SPTBN1: variants seen among roughly 807,000 people sequenced by gnomAD.
SPTBN1 encodes the protein spectrin beta, non-erythrocytic 1.
Under a neutral mutation model 266.4 loss-of-function variants are expected in SPTBN1, and 32 were observed. The observed-to-expected ratio is 0.12, with a 90% CI of 0.09 to 0.16. SPTBN1 has a LOEUF of 0.16. Ranked by LOEUF, SPTBN1 falls within the 10% of genes least tolerant of loss-of-function variation. The pLI is 1.00. For synonymous variants in SPTBN1, 1,336 were observed against 1,162.2 expected, an observed-to-expected ratio of 1.15 and a Z score of -3.04; for missense variants, 2,296 against 3,067.1, an observed-to-expected ratio of 0.75 and a Z score of 5.94.
Position 54,664,438 on chromosome 2 carries a change from C to T in SPTBN1, c.6421-15C>T, listed in dbSNP as rs952057416. 8 of 1,605,002 alleles carry T rather than the reference C, an allele frequency of 5.0e-6. No homozygotes were observed. Among genetic ancestry groups the T allele is most frequent in the Non-Finnish European group, 4.3e-6 (5 of 1,172,594 alleles). On this transcript the variant is annotated splice_polypyrimidine_tract_variant and intron_variant, in intron 32 of 35. Transcript: ENST00000356805. This position sits in a 1 kb window ranked among gnomAD's most constrained non-coding sequence, Gnocchi z 5.6. The stretch of plus-strand genomic sequence containing the variant: ...GCTCACGGAGTTAGCTGAATGGCCT[C>T]TCCGCTGTCCCTAGATGGCAGAAAC...
Position 54,664,978 on chromosome 2 carries a change from T to C in SPTBN1, c.6659+287T>C, listed in dbSNP as rs1681279219. ...ATTGAGACTGAAGAGTCTTCTTTAC[T>C]TTAAGTGATTGATTTCATTTAGGAC... On this transcript the variant is annotated intron_variant, in intron 33 of 35. Transcript: ENST00000356805. This position sits in a 1 kb window ranked among gnomAD's most constrained non-coding sequence, Gnocchi z 5.6. The C allele has an allele frequency of 2.7e-6, 1 of 371,376 alleles. No individual in the cohort carries two copies. Among genetic ancestry groups the C allele is most frequent in the Admixed American group, 4.1e-5 (1 of 24,306 alleles). The allele number at this position is 371,376 out of a possible 1,614,324, so 23.0% of individuals were successfully genotyped here. A position where few individuals can be genotyped will look rare whatever the true frequency, so the allele number is the denominator to read the frequency against.
chr2:54,594,141 T>A (rs1227859546), intron 2 of SPTBN1, among the ~76,000 whole-genome samples: 1 of 152,144 alleles, frequency 6.6e-6, no homozygotes, highest in African/African-American at 2.4e-5. Context: ...AACACTTTTT[T>A]AAATGTTGTG....
At chr2:54,574,670 C>T (rs1458352704) in intron 2 of SPTBN1, among the ~76,000 whole-genome samples, 3 of 152,110 alleles carry the variant, frequency 2.0e-5, no homozygotes, top group East Asian at 1.9e-4. Context: ...ATGTCAGGCA[C>T]GTGGGGAATC....
chr2:54,502,422 A>C (rs1466287358), intron 1 of SPTBN1, among the ~76,000 whole-genome samples: 1 of 152,068 alleles, frequency 6.6e-6, no homozygotes, highest in East Asian at 1.9e-4. Context: ...GTTGGTTTAC[A>C]TCAGGGATGG....
At chr2:54,495,027 G>T (rs1668889987) in intron 1 of SPTBN1, among the ~76,000 whole-genome samples, 1 of 152,088 alleles carries the variant, frequency 6.6e-6, no homozygotes, top group South Asian at 2.1e-4. Context: ...GGCAGAAGTG[G>T]GCTGACAGGT....
chr2:54,628,883 C>T lies in SPTBN1; in HGVS notation c.1799-50C>T, dbSNP rs772050932. ...TTACTGCCTGCCAGTGAGCCTGCAC[C>T]CATGCTGAGCTCCCTCACACAGCCA... On this transcript the variant is annotated intron_variant, in intron 13 of 35. Coordinates refer to ENST00000356805, the MANE Select transcript of SPTBN1 (RefSeq NM_003128.3). The surrounding 1 kb of genome is among the most constrained non-coding windows in gnomAD (Gnocchi z 4.3). 1.3e-6 allele frequency: 2 copies of T among 1,533,222 alleles called. No homozygotes were observed. The highest frequency in any genetic ancestry group is 1.8e-6 in the Non-Finnish European group (2 of 1,142,410). The allele number at this position is 1,533,222 out of a possible 1,614,324, so 95.0% of individuals were successfully genotyped here.
chr2:54,596,278 A>G (rs2103659261), intron 2 of SPTBN1, among the ~76,000 whole-genome samples: 1 of 152,312 alleles, frequency 6.6e-6, no homozygotes, highest in Admixed American at 6.5e-5. Context: ...TTCCCAGGAT[A>G]GGTGGAACAA....
intron 2 of SPTBN1, chr2:54,529,399 A>C (rs1558809476): frequency 1.5e-6 from 1 of 689,290 alleles, no homozygotes; most frequent in Admixed American, 1.8e-5. Context: ...CTGAAGCCAA[A>C]GCAAAGGCTT....
intron 1 of SPTBN1, among the ~76,000 whole-genome samples, chr2:54,498,935 T>C (rs917375880): frequency 6.7e-6 from 1 of 149,514 alleles, no homozygotes; most frequent in Admixed American, 6.7e-5. Context: ...GAAGGGACTT[T>C]AAAAGTAGGG....
intron 3 of SPTBN1, among the ~76,000 whole-genome samples, chr2:54,610,749 C>A (rs1677155408): frequency 1.3e-5 from 2 of 152,212 alleles, no homozygotes; most frequent in African/African-American, 4.8e-5. Flanking sequence ...TCATCCTTTT[C>A]TTGTAATGTC....
In SPTBN1 at chr2:54,670,272, C is replaced by G. The variant is rs1681644611; in HGVS notation, c.*1703C>G. The G allele has an allele frequency of 1.3e-5, 2 of 156,610 alleles. No individual in the cohort carries two copies. Among genetic ancestry groups the G allele is most frequent in the Non-Finnish European group, 2.8e-5 (2 of 71,620 alleles). The allele number at this position is 156,610 out of a possible 1,614,324, so 9.7% of individuals were successfully genotyped here. On this transcript the variant is annotated 3_prime_UTR_variant, in exon 36 of 36. Transcript: ENST00000356805. ...ATGGGCCATAGTTTGCTGACTTCAG[C>G]ATAGAGTCGTGGGTTATTTACAAGT...
At chr2:54,491,497 A>G (rs941088938) in intron 1 of SPTBN1, among the ~76,000 whole-genome samples, 1 of 152,254 alleles carries the variant, frequency 6.6e-6, no homozygotes. Context: ...GCTGCCATTT[A>G]AAGTAAACTT....
chr2:54,525,451 C>CT (rs1170718493), intron 1 of SPTBN1, among the ~76,000 whole-genome samples: 1 of 152,028 alleles, frequency 6.6e-6, no homozygotes, highest in African/African-American at 2.4e-5. Flanking sequence ...TCAGGCTGAA[C>CT]TGGAACTCCC....
At position 54,558,813 on chromosome 2, in the gene SPTBN1, C is replaced by T. The variant is rs765890111; in HGVS notation, c.148+32247C>T. ...CAGAGGACGTCTAGTATCTCCGGGC[C>T]GCTGTCGCCGGCGTACACGGGGCAG... On this transcript the variant is annotated intron_variant, in intron 2 of 35. Transcript: ENST00000356805. The surrounding 1 kb of genome is among the most constrained non-coding windows in gnomAD (Gnocchi z 4.6). The T allele has an allele frequency of 1.1e-5, 17 of 1,613,698 alleles. 1 individual carries two copies. Among genetic ancestry groups the T allele is most frequent in the Non-Finnish European group, 1.3e-5 (15 of 1,179,846 alleles).
At chr2:54,659,129 C>G (rs1248369420) in intron 30 of SPTBN1, 25 bp from the exon 31 acceptor site, 9 of 1,612,076 alleles carry the variant, frequency 5.6e-6, no homozygotes, top group Non-Finnish European at 7.6e-6. Flanking sequence ...GGGACTCTAC[C>G]AAACATCACT....
chr2:54,582,313 G>A (rs544689407), intron 2 of SPTBN1, among the ~76,000 whole-genome samples: 1 of 151,744 alleles, frequency 6.6e-6, no homozygotes, highest in East Asian at 1.9e-4. Context: ...CTGGTCTGGT[G>A]GTGCCTGAGA....
chr2:54,580,987 A>G (rs764817816), intron 2 of SPTBN1, among the ~76,000 whole-genome samples: 12 of 151,918 alleles, frequency 7.9e-5, no homozygotes, highest in Non-Finnish European at 1.6e-4. Context: ...AATCCCAGCT[A>G]CTTGGGTGGC....
intron 3 of SPTBN1, among the ~76,000 whole-genome samples, chr2:54,604,981 A>G (rs967391267): frequency 3.1e-4 from 47 of 152,162 alleles, no homozygotes; most frequent in Non-Finnish European, 7.3e-5. Flanking sequence ...GTCAGAAGTG[A>G]CACAGAAGTG....
chr2:54,508,308 C>G (rs1056870131), intron 1 of SPTBN1, among the ~76,000 whole-genome samples: 2 of 152,170 alleles, frequency 1.3e-5, no homozygotes, highest in Non-Finnish European at 1.5e-5. Flanking sequence ...CTACCCAGAC[C>G]AAGAGGTATT....
Sources: allele counts gnomAD v4.1 joint callset (sites outside exome capture counted in the v4.1 genomes callset), GRCh38; gene constraint gnomAD v4.1.1; non-coding constraint Gnocchi (gnomAD v3.1); transcripts MANE v1.5; gene names NCBI Gene and HGNC (gene_info 2026-07-23, HGNC 2026-07-21).